The following MAST2 variants were observed in gnomAD, a reference collection of about 807,000 sequenced individuals.
The protein encoded by MAST2 is microtubule-associated serine/threonine-protein kinase 2.
MAST2 carries 70 observed loss-of-function variants against 147.4 expected under a neutral mutation model. That is an observed-to-expected ratio of 0.47 (90% CI 0.39 to 0.58). MAST2 has a LOEUF of 0.58. Ranked by LOEUF, MAST2 falls within the 20% of genes least tolerant of loss-of-function variation. The pLI, the probability that MAST2 is intolerant of heterozygous loss-of-function variation, is 0.00. For missense variants in MAST2, 2,080 were observed against 2,302.3 expected (o/e 0.90, Z 1.98); for synonymous variants, 869 against 896.8 (o/e 0.97, Z 0.55).
rs571830620 is a variant in MAST2 at position 45,887,916 on chromosome 1, C to G, written c.500+5521C>G. 3.9e-5 allele frequency among the ~76,000 whole-genome samples: 6 copies of G among 152,240 alleles called. No homozygotes were observed. The East Asian group carries it at 1.2e-3, about 29-fold the overall frequency. ...CTAAGTGTCCAATGGGAAGGCAGGA[C>G]GTAGCAGAGGTTGGGAGGGAAGTAG... On this transcript the variant is annotated intron_variant, in intron 4 of 28. Transcript: ENST00000361297.
Position 45,971,275 on chromosome 1 carries a change from C to G in MAST2, c.592+11798C>G, listed in dbSNP as rs558793742. Among the ~76,000 whole-genome samples the G allele has an allele frequency of 8.5e-5, 13 of 152,258 alleles. No individual in the cohort carries two copies. The East Asian group carries it at 2.5e-3, about 29-fold the overall frequency. ...CAGTTACTCAGCAATCAGGGAATAG[C>G]CCTCTGGAGCACAGGTGAGTCTCAG... is the stretch of plus-strand genomic sequence containing the variant. On this transcript the variant is annotated intron_variant, in intron 5 of 28. Coordinates refer to ENST00000361297, the MANE Select transcript of MAST2 (RefSeq NM_015112.3).
At chr1:45,993,125 GTAA>G (rs1017132927) in intron 5 of MAST2, among the ~76,000 whole-genome samples, 45 of 151,642 alleles carry the variant, frequency 3.0e-4, no homozygotes, top group African/African-American at 1.0e-3. Context: ...TTATTTAATA[GTAA>G]TAATATTATT....
chr1:45,808,847 A>G (rs1392836480), intron 1 of MAST2, among the ~76,000 whole-genome samples: 1 of 152,066 alleles, frequency 6.6e-6, no homozygotes, highest in Non-Finnish European at 1.5e-5. Flanking sequence ...TACCCATAGA[A>G]TTAAGCCTGA....
intron 5 of MAST2, among the ~76,000 whole-genome samples, chr1:45,988,854 G>GTT (rs1420715949): frequency 2.2e-5 from 3 of 138,372 alleles, no homozygotes; most frequent in Non-Finnish European, 3.2e-5. Context: ...GTTTGTTGTT[G>GTT]TTTTATCCCT....
chr1:45,864,018 C>T (rs1646064389), intron 3 of MAST2, among the ~76,000 whole-genome samples: 1 of 152,120 alleles, frequency 6.6e-6, no homozygotes, highest in South Asian at 2.1e-4. Context: ...TTAAACGTTG[C>T]TTATGGAGTG....
intron 4 of MAST2, among the ~76,000 whole-genome samples, chr1:45,909,515 T>C (rs1651325731): frequency 7.0e-6 from 1 of 143,586 alleles, no homozygotes; most frequent in Non-Finnish European, 1.5e-5. Flanking sequence ...CTATATCGTC[T>C]TTTTTTTTTT....
chr1:46,004,161 G>A (rs562121500), intron 7 of MAST2, among the ~76,000 whole-genome samples: 7 of 152,022 alleles, frequency 4.6e-5, no homozygotes, highest in Non-Finnish European at 8.8e-5. Flanking sequence ...TCAGGAGATC[G>A]AGACCATCGT....
chr1:45,828,972 T>C (rs1475378094), intron 2 of MAST2, among the ~76,000 whole-genome samples: 2 of 151,758 alleles, frequency 1.3e-5, no homozygotes, highest in Non-Finnish European at 2.9e-5. Context: ...TTCCCTATAC[T>C]TGGTCTTTAT....
chr1:45,948,235 A>G (rs974362198), intron 4 of MAST2, among the ~76,000 whole-genome samples: 5 of 152,176 alleles, frequency 3.3e-5, no homozygotes, highest in Non-Finnish European at 5.9e-5. Context: ...ATTGCAAAAC[A>G]CTGCTCAAAG....
intron 10 of MAST2, among the ~76,000 whole-genome samples, chr1:46,016,316 G>A (rs952683790): frequency 1.3e-5 from 2 of 151,120 alleles, no homozygotes; most frequent in Non-Finnish European, 2.9e-5. Context: ...ACATAGTTTT[G>A]GAAGTTCTGG....
intron 3 of MAST2, among the ~76,000 whole-genome samples, chr1:45,862,443 G>A (rs1282979925): frequency 6.6e-6 from 1 of 151,972 alleles, no homozygotes; most frequent in East Asian, 1.9e-4. Flanking sequence ...GAATGCCAAG[G>A]GGAGACGTTT....
intron 10 of MAST2, among the ~76,000 whole-genome samples, chr1:46,012,870 C>G (rs1003729941): frequency 6.6e-6 from 1 of 151,950 alleles, no homozygotes; most frequent in African/African-American, 2.4e-5. Flanking sequence ...AGGCTGGTCT[C>G]AAACTCCTGA....
chr1:46,027,783 A>C lies in MAST2; in HGVS notation c.1972A>C (p.Lys658Gln). ...HIKLTDFGLS[K>Q]IGLMSLTTNL... Reference sequence around the variant, plus strand: ...CAAGCTCACGGACTTTGGACTGTCCAAAATTGGCCTCATGAGTCTGACAAC... The same window carrying C: ...CAAGCTCACGGACTTTGGACTGTCCCAAATTGGCCTCATGAGTCTGACAAC... The change falls in exon 17 of 29, where the codon AAA becomes CAA. Residue 658 changes from lysine to glutamine, a missense_variant. Physicochemically the swap from Lys to Gln is moderately conservative, Grantham distance 53. Around this residue, in one of 4 missense-constraint regions of MAST2, gnomAD observed 209 missense variants for 309.5 expected, o/e 0.68. Coordinates refer to ENST00000361297, the MANE Select transcript of MAST2 (RefSeq NM_015112.3). The C allele has an allele frequency of 6.2e-7, 1 of 1,614,218 alleles. No homozygotes were observed. The highest frequency in any genetic ancestry group is 8.5e-7 in the Non-Finnish European group (1 of 1,180,030).
intron 1 of MAST2, among the ~76,000 whole-genome samples, chr1:45,814,659 C>T (rs956885200): frequency 1.2e-4 from 19 of 152,220 alleles, no homozygotes; most frequent in South Asian, 2.1e-4. Flanking sequence ...TGGTGGCGCA[C>T]GCCTATAGTT....
At position 46,023,811 on chromosome 1, in the gene MAST2, C is replaced by A. The variant is rs779870089; in HGVS notation, c.1611C>A (p.Arg537=). The change falls in exon 15 of 29, where the codon CGC becomes CGA. Residue 537 remains arginine (R), a synonymous_variant. Transcript: ENST00000361297. This position sits in a 1 kb window ranked among gnomAD's most constrained non-coding sequence, Gnocchi z 4.9. ...FLVRHKSTRQ[R]FAMKKINKQN... ...TGCGGCACAAGTCCACCCGGCAGCG[C>A]TTTGCCATGAAGAAGATCAACAAGC... The A allele has an allele frequency of 2.3e-5, 37 of 1,613,996 alleles. No homozygotes were observed. Among genetic ancestry groups the A allele is most frequent in the Non-Finnish European group, 3.1e-5 (37 of 1,180,042 alleles).
rs1455850755 is a variant in MAST2 at position 46,035,259 on chromosome 1, C to G, written c.4590C>G (p.Ser1530Arg). ...GCTTGGCACCTCACCCAGAAGTGAGCCAGAGTGTGGCCCCTAAAGGAGCAG... is the reference window on the plus strand; with the variant it reads ...GCTTGGCACCTCACCCAGAAGTGAGGCAGAGTGTGGCCCCTAAAGGAGCAG... ...ELSLAPHPEVSQSVAPKGAGE... is the reference protein window; with the variant it reads ...ELSLAPHPEVRQSVAPKGAGE... The change falls in exon 29 of 29, where the codon AGC (serine) becomes AGG (arginine). Residue 1530 changes from serine (S) to arginine (R), a missense_variant. Coordinates refer to ENST00000361297, the MANE Select transcript of MAST2 (RefSeq NM_015112.3). The surrounding 1 kb of genome is among the most constrained non-coding windows in gnomAD (Gnocchi z 5.5). 1 of 1,613,922 alleles carries G rather than the reference C, an allele frequency of 6.2e-7. No homozygotes were observed. Among genetic ancestry groups the G allele is most frequent in the South Asian group, 1.1e-5 (1 of 91,076 alleles).
chr1:45,811,369 C>T (rs1442331846), intron 1 of MAST2, among the ~76,000 whole-genome samples: 2 of 141,204 alleles, frequency 1.4e-5, no homozygotes, highest in East Asian at 2.1e-4. Context: ...GACGGAGTCA[C>T]GCTCTGTCGC....
At chr1:45,850,876 T>G (rs922862211) in intron 3 of MAST2, among the ~76,000 whole-genome samples, 2 of 150,128 alleles carry the variant, frequency 1.3e-5, no homozygotes, top group Non-Finnish European at 1.5e-5. Flanking sequence ...AGCCTTATAG[T>G]ATAGTCTGAA....
intron 5 of MAST2, 123 bp downstream of exon 5, chr1:45,959,600 G>A: frequency 1.3e-6 from 1 of 759,816 alleles, no homozygotes; most frequent in Non-Finnish European, 2.1e-6. Context: ...GCTGACTGAA[G>A]CAGACAGAGC....
Sources: allele counts gnomAD v4.1 joint callset (sites outside exome capture counted in the v4.1 genomes callset), GRCh38; gene constraint gnomAD v4.1.1; regional missense constraint gnomAD v4.1.1; non-coding constraint Gnocchi (gnomAD v3.1); transcripts MANE v1.5; gene names NCBI Gene and HGNC (gene_info 2026-07-23, HGNC 2026-07-21).